Variants in ITGAE observed in about 807,000 individuals in gnomAD.
The protein encoded by ITGAE is integrin subunit alpha E, also known as integrin alpha-E.
A neutral mutation model predicts 136.5 loss-of-function variants in ITGAE; 99 were observed. That is an observed-to-expected ratio of 0.73 (90% CI 0.62 to 0.86). ITGAE has a LOEUF of 0.86. Among genes scored for constraint, ITGAE ranks in the 40% least tolerant of loss-of-function variants. ITGAE has a pLI of 0.00. For missense variants in ITGAE, 1,447 were observed against 1,515.3 expected, an observed-to-expected ratio of 0.95 and a Z score of 0.75; for synonymous variants, 613 against 591.8, an observed-to-expected ratio of 1.04 and a Z score of -0.52.
intron 1 of ITGAE, among the ~76,000 whole-genome samples, chr17:3,796,940 G>C (rs1356790053): frequency 6.6e-6 from 1 of 151,990 alleles, no homozygotes; most frequent in Non-Finnish European, 1.5e-5. Flanking sequence ...AGAACACCCA[G>C]CGGGGCCTCG....
chr17:3,725,202 C>G (rs771880078), intron 26 of ITGAE: 15 of 1,614,038 alleles, frequency 9.3e-6, no homozygotes, highest in African/African-American at 1.3e-5. Context: ...ATGTTCAAAC[C>G]GGCCTGTCAT....
intron 9 of ITGAE, 82 bp from the exon 10 acceptor site, chr17:3,757,216 C>A: frequency 1.4e-6 from 2 of 1,465,696 alleles, no homozygotes; most frequent in Non-Finnish European, 1.9e-6. Context: ...CTCCATCTGG[C>A]CTCTGGGGCC....
At chr17:3,778,349 G>C (rs1310678485) in intron 1 of ITGAE, among the ~76,000 whole-genome samples, 1 of 152,174 alleles carries the variant, frequency 6.6e-6, no homozygotes, top group Non-Finnish European at 1.5e-5. Flanking sequence ...GATCACTTGA[G>C]GTCAGGAGTT....
In ITGAE at chr17:3,724,670, C is replaced by T. The variant is rs562602766; in HGVS notation, c.3085-926G>A. 8.8e-5 allele frequency: 142 copies of T among 1,614,208 alleles called. No individual in the cohort carries two copies. The South Asian group carries it at 1.5e-3, about 17-fold the overall frequency. The stretch of plus-strand genomic sequence containing the variant: ...CCCGCGCCAGCCTCAGGTCAGTTCT[C>T]TTTGGCCTTATGAACTCAGGAACCC... On this transcript the variant is annotated intron_variant, in intron 26 of 30. Transcript: ENST00000263087.
rs71153394 is a variant in ITGAE, at chr17:3,755,115, A to ATCAGGTGGCCCCGCCCTCAT, written c.1384+1_1384+2insATGAGGGCGGGGCCACCTGA. 37 of 1,575,714 alleles carry ATCAGGTGGCCCCGCCCTCAT rather than the reference A, an allele frequency of 2.3e-5. No individual in the cohort carries two copies. Among genetic ancestry groups the ATCAGGTGGCCCCGCCCTCAT allele is most frequent in the African/African-American group, 8.2e-5 (6 of 73,040 alleles). ...GCCCTCATCAGGTGGCCCCGCCCTC[A>ATCAGGTGGCCCCGCCCTCAT]CCCAGGTAGCTGTACTGCGCAGCCT... On this transcript the variant is annotated splice_donor_variant, in intron 12 of 30. Coordinates refer to ENST00000263087, the MANE Select transcript of ITGAE (RefSeq NM_002208.5). LOFTEE classifies it high-confidence loss of function.
chr17:3,763,803 A>T, intron 3 of ITGAE, 66 bp downstream of exon 3: 1 of 1,278,890 alleles, frequency 7.8e-7, no homozygotes, highest in Non-Finnish European at 1.1e-6. Flanking sequence ...GTTTGAGTTT[A>T]GATGAGGGGG....
intron 21 of ITGAE, among the ~76,000 whole-genome samples, chr17:3,733,280 C>T (rs966901786): frequency 9.2e-5 from 14 of 151,992 alleles, no homozygotes; most frequent in Non-Finnish European, 1.6e-4. Flanking sequence ...CCACGGTGCC[C>T]GGCCTAGGAG....
rs1365830990 is a variant in ITGAE at position 3,751,788 on chromosome 17, C to G, written c.1755G>C (p.Gly585=). 2 of 1,614,118 alleles carry G rather than the reference C, an allele frequency of 1.2e-6. No homozygotes were observed. Among genetic ancestry groups the G allele is most frequent in the Non-Finnish European group, 1.7e-6 (2 of 1,180,006 alleles). The part of the protein sequence containing the change: ...ARFGFAMAAM[G]DLSQDKLTDV... ...CTGTGAGCTTATCCTGACTGAGATCCCCCATAGCCGCCATGGCAAAGCCAA... is the reference window on the plus strand; with the variant it reads ...CTGTGAGCTTATCCTGACTGAGATCGCCCATAGCCGCCATGGCAAAGCCAA... The change falls in exon 15 of 31, where the codon GGG becomes GGC. Residue 585 remains glycine (G), a synonymous_variant. Transcript: ENST00000263087.
rs527374212 is a variant in ITGAE, at chr17:3,750,711, C to G, written c.1894-229G>C. 6.0e-5 allele frequency among the ~76,000 whole-genome samples: 9 copies of G among 150,834 alleles called. No homozygotes were observed. In the East Asian group the frequency reaches 1.4e-3, roughly 23 times the overall value. On this transcript the variant is annotated intron_variant, in intron 15 of 30. Coordinates refer to ENST00000263087, the MANE Select transcript of ITGAE (RefSeq NM_002208.5). ...GGGGAGAGTAAGGGAAAGAGTGAGGCATGGGGAAAGAGCAGGGCCTTCTGA... is the reference window on the plus strand; with the variant it reads ...GGGGAGAGTAAGGGAAAGAGTGAGGGATGGGGAAAGAGCAGGGCCTTCTGA...
intron 24 of ITGAE, 200 bp from the exon 25 acceptor site, chr17:3,728,368 CTTTTTTTTTTTT>C: frequency 2.6e-5 from 5 of 189,178 alleles, no homozygotes; most frequent in South Asian, 2.2e-4. Context: ...ACACTCATCC[CTTTTTTTTTTTT>C]TTTTTTTTTT....
intron 1 of ITGAE, among the ~76,000 whole-genome samples, chr17:3,786,798 G>A (rs1451975170): frequency 2.0e-5 from 3 of 150,680 alleles, no homozygotes; most frequent in East Asian, 4.0e-4. Flanking sequence ...GCTGAGGCAG[G>A]AGGATCACTT....
rs557772202 is a variant in ITGAE, at chr17:3,797,242, T to G, written c.34+3869A>C. On this transcript the variant is annotated intron_variant, in intron 1 of 30. Coordinates refer to ENST00000263087, the MANE Select transcript of ITGAE (RefSeq NM_002208.5). ...GTGCAGTGGCGCAATCTCGGCTCAC[T>G]GCAAGCTCCGCCTCCCGGGTTCACG... Among the ~76,000 whole-genome samples the G allele has an allele frequency of 4.0e-4, 58 of 144,426 alleles. 1 individual carries two copies. The South Asian group carries it at 7.3e-3, about 18-fold the overall frequency. 94.7% of individuals were successfully genotyped at this position (144,426 alleles called of 152,430 possible).
intron 19 of ITGAE, among the ~76,000 whole-genome samples, chr17:3,742,456 GTTT>G (rs568033494): frequency 7.5e-6 from 1 of 134,170 alleles, no homozygotes; most frequent in Admixed American, 7.6e-5. Flanking sequence ...AAGGTTTGTG[GTTT>G]TTTTTTTTTT....
chr17:3,747,863 A>T, intron 17 of ITGAE, 59 bp downstream of exon 17: 1 of 892,056 alleles, frequency 1.1e-6, no homozygotes, highest in Non-Finnish European at 1.6e-6. Flanking sequence ...TGCCCCTTAC[A>T]GAAGCCAAAA....
intron 26 of ITGAE, 114 bp from the exon 27 acceptor site, chr17:3,723,858 C>G: frequency 1.3e-6 from 2 of 1,522,402 alleles, no homozygotes; most frequent in Non-Finnish European, 1.8e-6. Context: ...GAGCTAGGAC[C>G]CCGCGGCAGG....
chr17:3,724,469 G>A (rs371347880), intron 26 of ITGAE: 6 of 1,613,732 alleles, frequency 3.7e-6, no homozygotes, highest in African/African-American at 1.3e-5. Context: ...CCTGCCCCGG[G>A]TCCCCAACGC....
At chr17:3,743,215 A>G (rs1597322429) in intron 19 of ITGAE, among the ~76,000 whole-genome samples, 1 of 152,230 alleles carries the variant, frequency 6.6e-6, no homozygotes, top group Non-Finnish European at 1.5e-5. Context: ...CATGTGCCTC[A>G]TGAAAGATGT....
rs749890453 is a variant in ITGAE at position 3,755,862 on chromosome 17, G to C, written c.1207C>G (p.Gln403Glu). ...AGGATCTGAGCACTGAAGCCAATCT[G>C]TGCCAGCTGGTAGTGAAGGGCGTCT... Reference protein sequence around the residue: ...VGDALHYQLAQIGFSAQILDE... With the variant: ...VGDALHYQLAEIGFSAQILDE... The change falls in exon 11 of 31, where the codon CAG (glutamine) becomes GAG (glutamate). Residue 403 changes from glutamine to glutamate, a missense_variant. By Grantham distance (29) the Gln-to-Glu change is conservative (BLOSUM62 2). Coordinates refer to ENST00000263087, the MANE Select transcript of ITGAE (RefSeq NM_002208.5). The C allele has an allele frequency of 6.2e-7, 1 of 1,600,472 alleles. No individual in the cohort carries two copies. The highest frequency in any genetic ancestry group is 1.7e-5 in the Admixed American group (1 of 57,980).
chr17:3,733,414 TTTTG>T (rs767948128), intron 21 of ITGAE, among the ~76,000 whole-genome samples: 60 of 152,076 alleles, frequency 3.9e-4, no homozygotes, highest in Admixed American at 1.1e-3. Flanking sequence ...TACACTTTGG[TTTTG>T]TTTGTTTGTT....
Sources: allele counts gnomAD v4.1 joint callset (sites outside exome capture counted in the v4.1 genomes callset), GRCh38; gene constraint gnomAD v4.1.1; transcripts MANE v1.5; gene names NCBI Gene and HGNC (gene_info 2026-07-23, HGNC 2026-07-21).